The following ZFPM2 variants were observed in gnomAD, a reference collection of about 807,000 sequenced individuals.
The protein encoded by ZFPM2 is zinc finger protein ZFPM2.
ZFPM2 carries 20 observed loss-of-function variants against 98.6 expected under a neutral mutation model. The observed-to-expected ratio is 0.20, with a 90% CI of 0.14 to 0.29. The LOEUF (loss-of-function observed/expected upper bound fraction) is 0.29, where lower values mean the gene tolerates loss of function less well. Among genes scored for constraint, ZFPM2 ranks in the 10% least tolerant of loss-of-function variants. ZFPM2 has a pLI of 1.00. For synonymous variants in ZFPM2, 518 were observed against 502.7 expected (o/e 1.03, Z -0.41); for missense variants, 1,310 against 1,388.6 (o/e 0.94, Z 0.90).
chr8:105,393,359 T>TTTCC, intron 1 of ZFPM2, among the ~76,000 whole-genome samples: 1 of 102,662 alleles, frequency 9.7e-6, no homozygotes, highest in Non-Finnish European at 1.9e-5. Flanking sequence ...TCTTTCTTTC[T>TTTCC]TTCTTTCTTT....
At chr8:105,451,686 G>C (rs890927694) in intron 3 of ZFPM2, 1 of 152,130 alleles carries the variant, frequency 6.6e-6, no homozygotes, top group Non-Finnish European at 1.5e-5. Flanking sequence ...CCGATACTTC[G>C]TCATGGCCCT....
chr8:105,634,484 G>A, intron 5 of ZFPM2, 127 bp downstream of exon 5: 1 of 764,872 alleles, frequency 1.3e-6, no homozygotes, highest in Non-Finnish European at 2.2e-6. Flanking sequence ...TCCCATTTGA[G>A]TTCCTCTAAT....
intron 5 of ZFPM2, among the ~76,000 whole-genome samples, chr8:105,663,233 T>TG (rs199835055): frequency 5.3e-5 from 8 of 152,144 alleles, no homozygotes; most frequent in African/African-American, 1.9e-4. Context: ...AGTTTAGTCG[T>TG]GGGGGGCAAG....
intron 1 of ZFPM2, among the ~76,000 whole-genome samples, chr8:105,409,027 T>C (rs1425427064): frequency 6.6e-6 from 1 of 151,870 alleles, no homozygotes; most frequent in Non-Finnish European, 1.5e-5. Flanking sequence ...TGAGGAATGC[T>C]GAGCAGTGGA....
intron 5 of ZFPM2, among the ~76,000 whole-genome samples, chr8:105,679,796 TA>T (rs34883451): frequency 0.21 from 27,376 of 132,722 alleles, 2,549 homozygotes; most frequent in South Asian, 0.31. Flanking sequence ...GACTCTGTCT[TA>T]AAAAAAAAAA....
intron 5 of ZFPM2, among the ~76,000 whole-genome samples, chr8:105,764,321 CACACAT>C (rs1012133729): frequency 1.4e-5 from 2 of 138,536 alleles, no homozygotes; most frequent in East Asian, 2.3e-4. Context: ...CACACACACA[CACACAT>C]ATTTGGAAAT....
intron 3 of ZFPM2, among the ~76,000 whole-genome samples, chr8:105,470,545 G>A (rs1190290799): frequency 1.3e-5 from 2 of 152,130 alleles, no homozygotes; most frequent in African/African-American, 4.8e-5. Flanking sequence ...GGAGGCTTAG[G>A]TGGGCAGATC....
chr8:105,437,925 C>T (rs888153781), intron 2 of ZFPM2, among the ~76,000 whole-genome samples: 1 of 152,064 alleles, frequency 6.6e-6, no homozygotes, highest in African/African-American at 2.4e-5. Flanking sequence ...CATCTGTAAT[C>T]CCAGCTACTC....
intron 5 of ZFPM2, among the ~76,000 whole-genome samples, chr8:105,636,145 A>T (rs1210807531): frequency 6.6e-6 from 1 of 152,090 alleles, no homozygotes; most frequent in Non-Finnish European, 1.5e-5. Context: ...CATGTTGTTG[A>T]TCAAAAGGTT....
chr8:105,407,675 G>T (rs551462704), intron 1 of ZFPM2, among the ~76,000 whole-genome samples: 22 of 152,000 alleles, frequency 1.4e-4, no homozygotes, highest in Middle Eastern at 3.4e-3. Flanking sequence ...GAGGGCTATT[G>T]GTTGAGTAGC....
chr8:105,425,372 T>C (rs1420887327), intron 2 of ZFPM2, among the ~76,000 whole-genome samples: 2 of 152,168 alleles, frequency 1.3e-5, no homozygotes, highest in Non-Finnish European at 2.9e-5. Context: ...CCAATCAGAA[T>C]TATCCCTGAA....
intron 6 of ZFPM2, 52 bp from the exon 7 acceptor site, chr8:105,798,672 G>GTT: frequency 2.6e-6 from 4 of 1,513,202 alleles, no homozygotes; most frequent in Non-Finnish European, 3.6e-6. Flanking sequence ...TTTACCCACA[G>GTT]TTGGTTTCAA....
rs1229286656 is a variant in ZFPM2, at chr8:105,803,240, G to A, written c.3158G>A (p.Arg1053Lys). 8 of 1,606,916 alleles carry A rather than the reference G, an allele frequency of 5.0e-6. No homozygotes were observed. Among genetic ancestry groups the A allele is most frequent in the Admixed American group, 3.4e-5 (2 of 59,394 alleles). The change falls in exon 8 of 8, where the codon AGA (arginine) becomes AAA (lysine). Residue 1053 changes from arginine to lysine, a missense_variant. Transcript: ENST00000407775. Reference sequence around the variant, plus strand: ...AATGGTGGACTGAAACAAGATGAGAGACCTGCTGCCAACCCACAGCAAGAG... The same window carrying A: ...AATGGTGGACTGAAACAAGATGAGAAACCTGCTGCCAACCCACAGCAAGAG... ...IVNGGLKQDE[R>K]PAANPQQENI...
At chr8:105,591,666 A>G (rs77784377) in intron 4 of ZFPM2, among the ~76,000 whole-genome samples, 83 of 152,286 alleles carry the variant, frequency 5.5e-4, no homozygotes, top group African/African-American at 2.0e-3. Context: ...ATATAGTCAT[A>G]TTCATATTGC....
chr8:105,803,036 A>G lies in ZFPM2; in HGVS notation c.2954A>G (p.Tyr985Cys). Residue 985 changes from tyrosine (Y) to cysteine (C), a missense_variant, in exon 8 of 8, where the codon TAT becomes TGT. By Grantham distance (194) the Tyr-to-Cys change is radical. Coordinates refer to ENST00000407775, the MANE Select transcript of ZFPM2 (RefSeq NM_012082.4). ...AKGADQLSPY[Y>C]GIKPSDYISG... The stretch of plus-strand genomic sequence containing the variant: ...GGAGCCGACCAGCTTTCTCCATATT[A>G]TGGAATCAAGCCAAGTGATTATATT... The G allele has an allele frequency of 2.5e-6, 4 of 1,613,516 alleles. No homozygotes were observed. The highest frequency in any genetic ancestry group is 2.5e-6 in the Non-Finnish European group (3 of 1,179,714).
intron 5 of ZFPM2, among the ~76,000 whole-genome samples, chr8:105,641,482 T>G (rs1816947287): frequency 6.6e-6 from 1 of 152,066 alleles, no homozygotes; most frequent in African/African-American, 2.4e-5. Flanking sequence ...ACCACAGTTT[T>G]GATTCAAATT....
chr8:105,543,277 G>A (rs1814619996), intron 3 of ZFPM2, among the ~76,000 whole-genome samples: 1 of 152,180 alleles, frequency 6.6e-6, no homozygotes, highest in African/African-American at 2.4e-5. Flanking sequence ...CTTGAGTCCA[G>A]GAGTTTGAGG....
chr8:105,425,578 C>T (rs1012271781), intron 2 of ZFPM2, among the ~76,000 whole-genome samples: 11 of 152,170 alleles, frequency 7.2e-5, no homozygotes, highest in African/African-American at 2.4e-4. Flanking sequence ...GTTTCATCAT[C>T]GTACTCAACT....
chr8:105,499,235 A>G (rs1813538014), intron 3 of ZFPM2, among the ~76,000 whole-genome samples: 1 of 151,556 alleles, frequency 6.6e-6, no homozygotes, highest in Admixed American at 6.6e-5. Context: ...GTTTAAGGGC[A>G]TCTCTTCTAG....
Sources: allele counts gnomAD v4.1 joint callset (sites outside exome capture counted in the v4.1 genomes callset), GRCh38; gene constraint gnomAD v4.1.1; transcripts MANE v1.5; gene names NCBI Gene and HGNC (gene_info 2026-07-23, HGNC 2026-07-21).